The following GRXCR1 variants were observed in gnomAD, a reference collection of about 807,000 sequenced individuals.
GRXCR1 encodes the protein glutaredoxin and cysteine rich domain containing 1.
Under a neutral mutation model 27.3 loss-of-function variants are expected in GRXCR1, and 27 were observed. The ratio of observed to expected loss-of-function variants is 0.99; its 90% CI spans 0.73 to 1.37. The LOEUF is 1.37. Among genes scored for constraint, GRXCR1 ranks in the 40% most tolerant of loss-of-function variants. The pLI is 0.00. For synonymous variants in GRXCR1, 122 were observed against 131.1 expected (o/e 0.93, Z 0.47); for missense variants, 379 against 354.4 (o/e 1.07, Z -0.56).
At chr4:42,909,931 C>T (rs1345324209) in intron 1 of GRXCR1, among the ~76,000 whole-genome samples, 2 of 152,118 alleles carry the variant, frequency 1.3e-5, no homozygotes, top group Non-Finnish European at 2.9e-5. Context: ...AAAGCCAATA[C>T]AGATGTGTAT....
chr4:42,984,345 A>T (rs1318743808), intron 2 of GRXCR1, among the ~76,000 whole-genome samples: 3 of 152,032 alleles, frequency 2.0e-5, no homozygotes, highest in African/African-American at 7.3e-5. Flanking sequence ...AGATTCCTTA[A>T]AACAGTTATT....
chr4:42,953,039 A>T (rs1438849887), intron 1 of GRXCR1, among the ~76,000 whole-genome samples: 1 of 152,152 alleles, frequency 6.6e-6, no homozygotes, highest in African/African-American at 2.4e-5. Flanking sequence ...CTAGTCTTAC[A>T]CATCAGTATC....
chr4:42,983,337 C>G (rs1348570801), intron 2 of GRXCR1, among the ~76,000 whole-genome samples: 31 of 144,540 alleles, frequency 2.1e-4, no homozygotes, highest in Middle Eastern at 7.1e-3. Context: ...GCTTGTTTTT[C>G]TCAGGTTTGT....
chr4:42,905,311 C>T (rs1451574188), intron 1 of GRXCR1, among the ~76,000 whole-genome samples: 1 of 152,204 alleles, frequency 6.6e-6, no homozygotes, highest in Non-Finnish European at 1.5e-5. Flanking sequence ...CACCTGTCAT[C>T]CTGAAAGCCT....
At chr4:42,975,505 A>G (rs2109781801) in intron 2 of GRXCR1, among the ~76,000 whole-genome samples, 1 of 152,236 alleles carries the variant, frequency 6.6e-6, no homozygotes, top group South Asian at 2.1e-4. Flanking sequence ...AATAACACCT[A>G]ATAAAGGACT....
intron 2 of GRXCR1, among the ~76,000 whole-genome samples, chr4:43,005,502 G>A (rs1712528193): frequency 6.6e-6 from 1 of 152,006 alleles, no homozygotes; most frequent in Non-Finnish European, 1.5e-5. Context: ...TCCCAATGTT[G>A]GATCAGTTTT....
At chr4:43,020,615 A>G (rs759805307) in intron 3 of GRXCR1, among the ~76,000 whole-genome samples, 196 bp downstream of exon 3, 36 of 152,298 alleles carry the variant, frequency 2.4e-4, no homozygotes, top group Non-Finnish European at 4.7e-4. Context: ...TTAACTTCTA[A>G]TGATCTCATA....
intron 3 of GRXCR1, among the ~76,000 whole-genome samples, chr4:43,028,577 A>G (rs1011357074): frequency 2.0e-5 from 3 of 152,240 alleles, no homozygotes; most frequent in Non-Finnish European, 4.4e-5. Context: ...TGTCATAGCA[A>G]TAGTGAATGA....
intron 2 of GRXCR1, among the ~76,000 whole-genome samples, chr4:42,971,081 G>A (rs1748375030): frequency 6.6e-6 from 1 of 152,086 alleles, no homozygotes; most frequent in Non-Finnish European, 1.5e-5. Context: ...GGGGAAAGAT[G>A]CCACCAGTCT....
intron 2 of GRXCR1, among the ~76,000 whole-genome samples, chr4:42,988,568 T>C (rs1263681920): frequency 6.6e-6 from 1 of 152,226 alleles, no homozygotes; most frequent in African/African-American, 2.4e-5. Flanking sequence ...TAGAATTAAA[T>C]GTTCAGTTAT....
At chr4:42,928,410 G>A (rs1233556353) in intron 1 of GRXCR1, among the ~76,000 whole-genome samples, 1 of 152,000 alleles carries the variant, frequency 6.6e-6, no homozygotes, top group Non-Finnish European at 1.5e-5. Flanking sequence ...TTCCTCTTGA[G>A]AGAGGTATTA....
intron 2 of GRXCR1, among the ~76,000 whole-genome samples, chr4:43,007,484 G>T (rs758075429): frequency 6.6e-6 from 1 of 152,192 alleles, no homozygotes; most frequent in Non-Finnish European, 1.5e-5. Flanking sequence ...AGAATGACAA[G>T]TGAAGTGATC....
chr4:42,909,168 A>C (rs776597340), intron 1 of GRXCR1, among the ~76,000 whole-genome samples: 29 of 152,200 alleles, frequency 1.9e-4, no homozygotes, highest in African/African-American at 7.0e-4. Context: ...GGCAACCCTC[A>C]TTCCTTAAGT....
intron 2 of GRXCR1, among the ~76,000 whole-genome samples, chr4:42,979,762 G>A (rs1748606205): frequency 1.3e-5 from 2 of 151,952 alleles, no homozygotes; most frequent in Non-Finnish European, 2.9e-5. Flanking sequence ...TTCTTTAAAA[G>A]TTAGGTAGAA....
intron 2 of GRXCR1, among the ~76,000 whole-genome samples, chr4:42,997,250 G>C (rs1712196792): frequency 6.6e-6 from 1 of 151,560 alleles, no homozygotes; most frequent in Non-Finnish European, 1.5e-5. Context: ...CTTTATTTTT[G>C]TCATCTGTAG....
At chr4:42,995,432 A>G (rs1310202956) in intron 2 of GRXCR1, among the ~76,000 whole-genome samples, 1 of 152,116 alleles carries the variant, frequency 6.6e-6, no homozygotes, top group African/African-American at 2.4e-5. Flanking sequence ...TTTTTGGTGG[A>G]AAAAACATTT....
chr4:42,986,424 T>C (rs528636256), intron 2 of GRXCR1, among the ~76,000 whole-genome samples: 1 of 152,238 alleles, frequency 6.6e-6, no homozygotes, highest in African/African-American at 2.4e-5. Context: ...TTCCTTTGAC[T>C]TTCAGCACCT....
At chr4:42,906,583 G>T (rs1746597658) in intron 1 of GRXCR1, among the ~76,000 whole-genome samples, 1 of 152,104 alleles carries the variant, frequency 6.6e-6, no homozygotes, top group Non-Finnish European at 1.5e-5. Flanking sequence ...ATGCAGAGCA[G>T]GGCAGACCCA....
intron 1 of GRXCR1, among the ~76,000 whole-genome samples, chr4:42,927,144 A>G (rs1223470011): frequency 6.6e-6 from 1 of 152,006 alleles, no homozygotes; most frequent in Admixed American, 6.6e-5. Context: ...ATCCCACAGG[A>G]TTCAGGGATG....
Sources: gnomAD v4.1 joint callset for allele counts (sites outside exome capture counted in the v4.1 genomes callset) on GRCh38, gnomAD v4.1.1 for gene constraint, MANE v1.5 for transcripts, NCBI Gene and HGNC (gene_info 2026-07-23, HGNC 2026-07-21) for gene names.